Variants in ACTR3C observed in about 807,000 individuals in gnomAD.
The protein encoded by ACTR3C is actin-related protein 3C.
A neutral mutation model predicts 26.3 loss-of-function variants in ACTR3C; 18 were observed. The ratio of observed to expected loss-of-function variants is 0.68; its 90% confidence interval spans 0.47 to 1.01. The LOEUF (loss-of-function observed/expected upper bound fraction) is 1.01, where lower values mean the gene tolerates loss of function less well. ACTR3C is among the 50% of genes least tolerant of loss of function. ACTR3C has a pLI of 0.00. For synonymous variants in ACTR3C, 55 were observed against 94.5 expected, an observed-to-expected ratio of 0.58 and a Z score of 2.42; for missense variants, 184 against 250.7, an observed-to-expected ratio of 0.73 and a Z score of 1.80.
At chr7:150,067,954 A>C in the ACTR3C span, among the ~76,000 whole-genome samples, 13 of 152,182 alleles carry the variant, frequency 8.5e-5, no homozygotes, top group African/African-American at 2.9e-4. Flanking sequence ...CAATCTGGTG[A>C]TGCCAGCATT....
chr7:150,175,815 C>CAGAAAA, the ACTR3C span, among the ~76,000 whole-genome samples: 1 of 46,264 alleles, frequency 2.2e-5, no homozygotes, highest in Non-Finnish European at 4.2e-5. Flanking sequence ...TCCATCTGAA[C>CAGAAAA]AAAAAAAAAA....
chr7:150,167,210 T>A, the ACTR3C span, among the ~76,000 whole-genome samples: 1 of 150,716 alleles, frequency 6.6e-6, no homozygotes, highest in South Asian at 2.1e-4. Flanking sequence ...ACAGATCTAT[T>A]TTTAGTTTTT....
the ACTR3C span, among the ~76,000 whole-genome samples, chr7:150,167,402 C>G: frequency 6.6e-6 from 1 of 150,810 alleles, no homozygotes; most frequent in African/African-American, 2.5e-5. Context: ...CTATTTCCTA[C>G]AGCCCATGGT....
the ACTR3C span, among the ~76,000 whole-genome samples, chr7:150,049,354 T>C: frequency 1.3e-5 from 2 of 152,038 alleles, no homozygotes; most frequent in Non-Finnish European, 2.9e-5. Flanking sequence ...GAAGGACCTA[T>C]CACATCCAGA....
the ACTR3C span, among the ~76,000 whole-genome samples, chr7:149,927,488 G>T: frequency 6.6e-6 from 1 of 151,754 alleles, no homozygotes; most frequent in Non-Finnish European, 1.5e-5. Context: ...CAGCACTTTG[G>T]GACGCCGAGG....
the ACTR3C span, among the ~76,000 whole-genome samples, chr7:150,085,914 G>T: frequency 8.6e-5 from 13 of 151,884 alleles, 1 homozygote; most frequent in Admixed American, 7.2e-4. Context: ...TCAAGTAAGA[G>T]GATGGATGGA....
the ACTR3C span, among the ~76,000 whole-genome samples, chr7:150,037,818 TGGCA>T: frequency 1.6e-5 from 1 of 64,416 alleles, no homozygotes. Flanking sequence ...GAAGAGGGAC[TGGCA>T]CTCAGTCCCT....
At chr7:150,171,815 T>G in the ACTR3C span, among the ~76,000 whole-genome samples, 2 of 145,606 alleles carry the variant, frequency 1.4e-5, no homozygotes, top group Non-Finnish European at 2.9e-5. Context: ...TAGATTCTAT[T>G]CTTTCTTTCT....
the ACTR3C span, among the ~76,000 whole-genome samples, chr7:149,895,309 A>G: frequency 3.3e-5 from 5 of 151,064 alleles, no homozygotes; most frequent in Non-Finnish European, 7.4e-5. Context: ...GGAGAAATAA[A>G]TTACAAGAGA....
the ACTR3C span, among the ~76,000 whole-genome samples, chr7:149,988,170 C>T: frequency 2.0e-5 from 3 of 152,238 alleles, no homozygotes; most frequent in East Asian, 3.8e-4. Flanking sequence ...GTTGCCTCCA[C>T]GTTTCCACCT....
Position 150,289,518 on chromosome 7 carries a change from G to A in ACTR3C, c.229C>T (p.Gln77Ter), listed in dbSNP as rs764756875. The change falls in exon 4 of 8, where the codon CAG (glutamine) becomes TAG (stop). Residue 77 changes from glutamine (Q) to a stop codon, truncating the protein, a stop_gained. Coordinates refer to ENST00000683684, the MANE Select transcript of ACTR3C (RefSeq NM_001164458.2). LOFTEE classifies it high-confidence loss of function. ...AGRDITYFIQQLLREREVGIP... is the reference protein window; with the variant it reads ...AGRDITYFIQ ...CCCACCTCCCTCTCCCTTAGCAGCT[G>A]TTGAATGAAATACGTAATATCTCTA... 2.5e-6 allele frequency: 4 copies of A among 1,603,040 alleles called. No individual in the cohort carries two copies. Among genetic ancestry groups the A allele is most frequent in the Non-Finnish European group, 2.6e-6 (3 of 1,174,352 alleles).
At chr7:150,037,562 G>A in the ACTR3C span, among the ~76,000 whole-genome samples, 1 of 56,466 alleles carries the variant, frequency 1.8e-5, no homozygotes, top group African/African-American at 6.6e-5. Context: ...TGCGATGGGG[G>A]TCCTAAGAAC....
chr7:150,198,508 A>T, the ACTR3C span, among the ~76,000 whole-genome samples: 74 of 126,814 alleles, frequency 5.8e-4, no homozygotes, highest in South Asian at 7.8e-4. Context: ...CCCATCTGGG[A>T]TGTGAGGAGC....
the ACTR3C span, among the ~76,000 whole-genome samples, chr7:149,943,829 T>C: frequency 6.8e-6 from 1 of 146,322 alleles, no homozygotes; most frequent in Non-Finnish European, 1.5e-5. Context: ...GCAGACTCGT[T>C]CAAAGACTAA....
chr7:149,942,353 A>G, the ACTR3C span, among the ~76,000 whole-genome samples: 1 of 151,986 alleles, frequency 6.6e-6, no homozygotes, highest in Admixed American at 6.5e-5. Flanking sequence ...CTTCAAAAAC[A>G]ATGTGGTAAT....
chr7:149,990,808 T>G, the ACTR3C span, among the ~76,000 whole-genome samples: 16 of 152,152 alleles, frequency 1.1e-4, 1 homozygote, highest in South Asian at 1.9e-3. Context: ...CCTGTGGAGA[T>G]GGAGTGGGCA....
the ACTR3C span, among the ~76,000 whole-genome samples, chr7:150,194,345 G>A: frequency 6.8e-6 from 1 of 146,848 alleles, no homozygotes; most frequent in African/African-American, 2.5e-5. Context: ...AATTATCAGA[G>A]GCAAAAGTCT....
the ACTR3C span, among the ~76,000 whole-genome samples, chr7:149,928,084 C>T: frequency 6.6e-6 from 1 of 152,164 alleles, no homozygotes. Flanking sequence ...TTGACACTGC[C>T]TAGCAAAATT....
At chr7:150,313,894 T>A (rs1240612877) in intron 1 of ACTR3C, among the ~76,000 whole-genome samples, 2 of 152,206 alleles carry the variant, frequency 1.3e-5, no homozygotes, top group Non-Finnish European at 2.9e-5. Context: ...CAGAAATCTT[T>A]GGAGCCAGTT....
Sources: gnomAD v4.1 joint callset for allele counts (sites outside exome capture counted in the v4.1 genomes callset) on GRCh38, gnomAD v4.1.1 for gene constraint, MANE v1.5 for transcripts, NCBI Gene and HGNC (gene_info 2026-07-23, HGNC 2026-07-21) for gene names.